Variants in GNB3 observed in about 807,000 individuals in gnomAD.
The protein encoded by GNB3 is guanine nucleotide-binding protein G(I)/G(S)/G(T) subunit beta-3.
Under a neutral mutation model 41.2 loss-of-function variants are expected in GNB3, and 33 were observed. The observed-to-expected ratio is 0.80, with a 90% confidence interval of 0.61 to 1.07. GNB3 has a LOEUF of 1.07. Ranked by LOEUF, GNB3 falls within the 50% of genes least tolerant of loss-of-function variation. The probability of loss-of-function intolerance (pLI) is 0.00; values close to 1 mark genes in which losing one functional copy is unlikely to be tolerated. For synonymous variants in GNB3, 172 were observed against 173.4 expected, an observed-to-expected ratio of 0.99 and a Z score of 0.06; for missense variants, 409 against 455.3, an observed-to-expected ratio of 0.90 and a Z score of 0.92.
At position 6,845,810 on chromosome 12, in the gene GNB3, C is replaced by A; in HGVS notation, c.916+8C>A. ...TGAAGTCTGAGCGTGTGGGTAAGGG[C>A]CAGCCCTGGCTGCTGCTTCCTCAGC... On this transcript the variant is annotated splice_region_variant and intron_variant, in intron 9 of 9. Coordinates refer to ENST00000229264, the MANE Select transcript of GNB3 (RefSeq NM_002075.4). 1.9e-6 allele frequency: 3 copies of A among 1,596,148 alleles called. No homozygotes were observed. Among genetic ancestry groups the A allele is most frequent in the Non-Finnish European group, 2.6e-6 (3 of 1,163,904 alleles).
At chr12:6,841,791 A>G (rs1370240816) in intron 3 of GNB3, 167 bp downstream of exon 3, 2 of 712,580 alleles carry the variant, frequency 2.8e-6, no homozygotes, top group Non-Finnish European at 2.6e-6. Flanking sequence ...GCTCTGAGCC[A>G]GGCACCATAT....
intron 8 of GNB3, among the ~76,000 whole-genome samples, chr12:6,844,418 T>A (rs1336769612): frequency 2.0e-5 from 3 of 151,910 alleles, no homozygotes; most frequent in African/African-American, 7.3e-5. Flanking sequence ...TCCCTAGCCC[T>A]TTCTTTCTTT....
chr12:6,843,506 G>A lies in GNB3; in HGVS notation c.411G>A (p.Arg137=). 6.2e-7 allele frequency: 1 copy of A among 1,614,166 alleles called. No individual in the cohort carries two copies. The highest frequency in any genetic ancestry group is 8.5e-7 in the Non-Finnish European group (1 of 1,180,008). The change falls in exon 6 of 10, where the codon CGG becomes CGA. Residue 137 remains arginine (R), a synonymous_variant. Coordinates refer to ENST00000229264, the MANE Select transcript of GNB3 (RefSeq NM_002075.4). This position sits in a 1 kb window ranked among gnomAD's most constrained non-coding sequence, Gnocchi z 5.9. ...GTGAGGGCAATGTCAAGGTCAGCCG[G>A]GAGCTTTCTGCTCACACAGGTGAGG... ...KSREGNVKVS[R]ELSAHTGYLS... is the part of the protein sequence containing the mutation.
At chr12:6,841,704 C>G (rs782240155) in intron 3 of GNB3, 80 bp downstream of exon 3, 2 of 1,011,326 alleles carry the variant, frequency 2.0e-6, no homozygotes, top group Admixed American at 1.9e-5. Flanking sequence ...CGCGTTGCTC[C>G]GAGCATTAGT....
At position 6,846,989 on chromosome 12, in the gene GNB3, C is replaced by T; in HGVS notation, c.*91C>T. The T allele has an allele frequency of 2.7e-6, 2 of 744,844 alleles. No individual in the cohort carries two copies. The highest frequency in any genetic ancestry group is 1.6e-5 in the South Asian group (1 of 62,900). The allele number at this position is 744,844 out of a possible 1,614,324, so 46.1% of individuals were successfully genotyped here. A position where few individuals can be genotyped will look rare whatever the true frequency, so the allele number is the denominator to read the frequency against. On this transcript the variant is annotated 3_prime_UTR_variant, in exon 10 of 10. Transcript: ENST00000229264. The stretch of plus-strand genomic sequence containing the variant: ...TCATTCAGGTGTTCTCTTCTATATT[C>T]CGGGTGCCATTCCCACTAAGCTTTC...
At chr12:6,846,471 T>C in intron 9 of GNB3, 1 of 256,928 alleles carries the variant, frequency 3.9e-6, no homozygotes, top group Non-Finnish European at 7.5e-6. Flanking sequence ...AGCCTTTCTC[T>C]GTCTGATCCC....
intron 8 of GNB3, 35 bp downstream of exon 8, chr12:6,844,013 T>G (rs369525472): frequency 2.0e-6 from 3 of 1,485,000 alleles, no homozygotes; most frequent in South Asian, 1.2e-5. Context: ...TCACTCCAAC[T>G]CCTTCCCCGA....
Position 6,845,662 on chromosome 12 carries a change from A to G in GNB3, c.776A>G (p.Gln259Arg). The G allele has an allele frequency of 6.2e-7, 1 of 1,614,084 alleles. No individual in the cohort carries two copies. Among genetic ancestry groups the G allele is most frequent in the Non-Finnish European group, 8.5e-7 (1 of 1,180,020 alleles). The change falls in exon 9 of 10, where the codon CAG becomes CGG. Residue 259 changes from glutamine (Q) to arginine (R), a missense_variant. Gln to Arg is a conservative substitution (Grantham distance 43, BLOSUM62 1). Coordinates refer to ENST00000229264, the MANE Select transcript of GNB3 (RefSeq NM_002075.4). ...SCRLFDLRAD[Q>R]ELICFSHESI... Reference sequence around the variant, plus strand: ...CGCTTGTTTGACCTGCGGGCAGACCAGGAGCTGATCTGCTTCTCCCACGAG... The same window carrying G: ...CGCTTGTTTGACCTGCGGGCAGACCGGGAGCTGATCTGCTTCTCCCACGAG...
At chr12:6,842,247 T>A (rs1162398200) in intron 3 of GNB3, among the ~76,000 whole-genome samples, 1 of 152,136 alleles carries the variant, frequency 6.6e-6, no homozygotes, top group African/African-American at 2.4e-5. Flanking sequence ...GTGAAGCAAC[T>A]TGCCCAAGAT....
rs1555123801 is a variant in GNB3 at position 6,843,325 on chromosome 12, C to A, written c.268-38C>A. The stretch of plus-strand genomic sequence containing the variant: ...CTCCTGTGCCCAGCTGGGAGCTTGG[C>A]TCCGGTCCCATCTCTGCTCAAACCA... On this transcript the variant is annotated intron_variant, in intron 5 of 9. Coordinates refer to ENST00000229264, the MANE Select transcript of GNB3 (RefSeq NM_002075.4). This position sits in a 1 kb window ranked among gnomAD's most constrained non-coding sequence, Gnocchi z 5.9. The A allele has an allele frequency of 6.2e-7, 1 of 1,612,692 alleles. No homozygotes were observed. Among genetic ancestry groups the A allele is most frequent in the Non-Finnish European group, 8.5e-7 (1 of 1,178,776 alleles).
rs1555124870 is a variant in GNB3, at chr12:6,846,890, T to C, written c.1015T>C (p.Trp339Arg). ...TTCCTGGGACAGCTTCCTCAAAATC[T>C]GGAACTGAGGAGGCTGGAGAAAGGG... is the stretch of plus-strand genomic sequence containing the variant. ...TGSWDSFLKI[W>R]N Residue 339 changes from tryptophan (W) to arginine (R), a missense_variant, in exon 10 of 10, where the codon TGG becomes CGG. Transcript: ENST00000229264. 4 of 1,575,598 alleles carry C rather than the reference T, an allele frequency of 2.5e-6. No homozygotes were observed. Among genetic ancestry groups the C allele is most frequent in the Non-Finnish European group, 3.5e-6 (4 of 1,156,018 alleles).
At position 6,841,055 on chromosome 12, in the gene GNB3, C is replaced by G. The variant is rs903815863; in HGVS notation, c.-31+22C>G. On this transcript the variant is annotated intron_variant, in intron 1 of 9. Coordinates refer to ENST00000229264, the MANE Select transcript of GNB3 (RefSeq NM_002075.4). ...CCAAGTAAGAGGGAGCTGGCCTGGG[C>G]TCTGCTCTCCTGGGCTGGGGCGCAG... 6.9e-6 allele frequency: 4 copies of G among 582,466 alleles called. No homozygotes were observed. In the South Asian group the frequency reaches 8.1e-5, roughly 12 times the overall value. The allele number at this position is 582,466 out of a possible 1,614,324, so 36.1% of individuals were successfully genotyped here.
In GNB3 at chr12:6,843,382, G is replaced by A. The variant is rs1555123815; in HGVS notation, c.287G>A (p.Arg96His). The A allele has an allele frequency of 3.1e-6, 5 of 1,614,148 alleles. No individual in the cohort carries two copies. Among genetic ancestry groups the A allele is most frequent in the Non-Finnish European group, 2.5e-6 (3 of 1,180,030 alleles). The change falls in exon 6 of 10, where the codon CGC becomes CAC. Residue 96 changes from arginine to histidine, a missense_variant. Physicochemically the swap from Arg to His is conservative, Grantham distance 29. Transcript: ENST00000229264. The surrounding 1 kb of genome is among the most constrained non-coding windows in gnomAD (Gnocchi z 5.9). ...TTNKVHAIPL[R>H]SSWVMTCAYA... ...CTGCAGGTGCACGCCATCCCACTGC[G>A]CTCCTCCTGGGTCATGACCTGTGCC...
rs782107455 is a variant in GNB3, at chr12:6,845,581, C to T, written c.700-5C>T. ...CCCTGACCCACTTGCCACCCGTGCC[C>T]TCAGTTCTTCCCCAATGGAGAGGCC... On this transcript the variant is annotated splice_region_variant and splice_polypyrimidine_tract_variant and intron_variant, in intron 8 of 9. Transcript: ENST00000229264. The T allele has an allele frequency of 4.4e-6, 7 of 1,603,930 alleles. No individual in the cohort carries two copies. Among genetic ancestry groups the T allele is most frequent in the Non-Finnish European group, 5.1e-6 (6 of 1,175,274 alleles).
At chr12:6,841,171 C>T in intron 1 of GNB3, 87 bp from the exon 2 acceptor site, 1 of 814,014 alleles carries the variant, frequency 1.2e-6, no homozygotes, top group Admixed American at 2.2e-5. Context: ...AGTCGTTTCC[C>T]TGTGTCTTGG....
intron 8 of GNB3, 58 bp from the exon 9 acceptor site, chr12:6,845,528 G>A (rs1446371984): frequency 8.3e-7 from 1 of 1,210,256 alleles, no homozygotes; most frequent in Non-Finnish European, 1.2e-6. Flanking sequence ...CAGAGGGCGG[G>A]AGAGGCTGTG....
In GNB3 at chr12:6,843,984, T is replaced by A. The variant is rs1943628876; in HGVS notation, c.699+6T>A. 6 of 1,598,984 alleles carry A rather than the reference T, an allele frequency of 3.8e-6. No individual in the cohort carries two copies. In the East Asian group the frequency reaches 1.3e-4, roughly 36 times the overall value. On this transcript the variant is annotated splice_donor_region_variant and intron_variant, in intron 8 of 9. Transcript: ENST00000229264. The surrounding 1 kb of genome is among the most constrained non-coding windows in gnomAD (Gnocchi z 5.9). ...CGGACATCAACGCCATCTGTGTGAGTGCACCCCCCACCCCAGCTTCACTCC... is the reference window on the plus strand; with the variant it reads ...CGGACATCAACGCCATCTGTGTGAGAGCACCCCCCACCCCAGCTTCACTCC...
At position 6,843,519 on chromosome 12, in the gene GNB3, C is replaced by T. The variant is rs1339138040; in HGVS notation, c.424C>T (p.His142Tyr). The change falls in exon 6 of 10, where the codon CAC (histidine) becomes TAC (tyrosine). Residue 142 changes from histidine (H) to tyrosine (Y), a missense_variant. Transcript: ENST00000229264. The surrounding 1 kb of genome is among the most constrained non-coding windows in gnomAD (Gnocchi z 5.9). ...CAAGGTCAGCCGGGAGCTTTCTGCTCACACAGGTGAGGGAGAGACCCTCTC... is the reference window on the plus strand; with the variant it reads ...CAAGGTCAGCCGGGAGCTTTCTGCTTACACAGGTGAGGGAGAGACCCTCTC... The part of the protein sequence containing the change: ...NVKVSRELSA[H>Y]TGYLSCCRFL... 1 of 1,614,006 alleles carries T rather than the reference C, an allele frequency of 6.2e-7. No individual in the cohort carries two copies. The highest frequency in any genetic ancestry group is 8.5e-7 in the Non-Finnish European group (1 of 1,179,966).
At position 6,843,019 on chromosome 12, in the gene GNB3, G is replaced by T. The variant is rs782393502; in HGVS notation, c.146G>T (p.Arg49Leu). ...VVGRVQMRTR[R>L]TLRGHLAKIY... The stretch of plus-strand genomic sequence containing the variant: ...GGACGAGTCCAGATGCGGACGCGGC[G>T]GACGTTAAGGGGACACCTGGCCAAG... The change falls in exon 4 of 10, where the codon CGG (arginine) becomes CTG (leucine). Residue 49 changes from arginine to leucine, a missense_variant. Arg to Leu is a moderately radical substitution (Grantham distance 102). Transcript: ENST00000229264. The surrounding 1 kb of genome is among the most constrained non-coding windows in gnomAD (Gnocchi z 5.9). The T allele has an allele frequency of 3.8e-6, 6 of 1,569,492 alleles. No individual in the cohort carries two copies. Among genetic ancestry groups the T allele is most frequent in the Non-Finnish European group, 5.2e-6 (6 of 1,152,652 alleles).
Sources: gnomAD v4.1 joint callset for allele counts (sites outside exome capture counted in the v4.1 genomes callset) on GRCh38, gnomAD v4.1.1 for gene constraint, Gnocchi (gnomAD v3.1) non-coding constraint, MANE v1.5 for transcripts, NCBI Gene and HGNC (gene_info 2026-07-23, HGNC 2026-07-21) for gene names.